The following PLCB4 variants were observed in gnomAD, a reference collection of about 807,000 sequenced individuals.
PLCB4 encodes the protein 1-phosphatidylinositol 4,5-bisphosphate phosphodiesterase beta-4.
PLCB4 carries 77 observed loss-of-function variants against 178.8 expected under a neutral mutation model. The ratio of observed to expected loss-of-function variants is 0.43; its 90% confidence interval spans 0.36 to 0.52. The LOEUF (loss-of-function observed/expected upper bound fraction) is 0.52. Ranked by LOEUF, PLCB4 falls within the 20% of genes least tolerant of loss-of-function variation. PLCB4 has a pLI of 0.00. For missense variants in PLCB4, 1,024 were observed against 1,453.4 expected (o/e 0.70, Z 4.80); for synonymous variants, 496 against 490.8 (o/e 1.01, Z -0.14).
At chr20:9,246,055 A>G (rs1029809444) in intron 3 of PLCB4, among the ~76,000 whole-genome samples, 9 of 152,238 alleles carry the variant, frequency 5.9e-5, no homozygotes, top group Admixed American at 4.6e-4. Context: ...CAATCTACAT[A>G]TACCATAAAC....
chr20:9,174,411 C>T (rs938671645), intron 2 of PLCB4, among the ~76,000 whole-genome samples: 2 of 151,222 alleles, frequency 1.3e-5, no homozygotes, highest in African/African-American at 4.9e-5. Flanking sequence ...TCCCAAAGTG[C>T]TGGGATTACA....
intron 4 of PLCB4, among the ~76,000 whole-genome samples, chr20:9,334,840 A>C (rs2032219416): frequency 6.6e-6 from 1 of 152,150 alleles, no homozygotes; most frequent in Non-Finnish European, 1.5e-5. Context: ...TGGAATTCCA[A>C]GAGTGAGATA....
chr20:9,320,700 G>A (rs997908089), intron 4 of PLCB4, among the ~76,000 whole-genome samples: 2 of 152,310 alleles, frequency 1.3e-5, no homozygotes, highest in Admixed American at 1.3e-4. Context: ...GATTAAAATG[G>A]TTAAGCATGT....
chr20:9,376,654 T>C (rs753547768), intron 12 of PLCB4, among the ~76,000 whole-genome samples: 8 of 152,160 alleles, frequency 5.3e-5, no homozygotes, highest in Admixed American at 1.3e-4. Context: ...CTTTGGTTAG[T>C]TTTACCTCCC....
chr20:9,233,703 GA>G (rs1180929957), intron 3 of PLCB4, among the ~76,000 whole-genome samples: 1 of 152,148 alleles, frequency 6.6e-6, no homozygotes, highest in Non-Finnish European at 1.5e-5. Context: ...GTAAGTTTGA[GA>G]AGAACTTATG....
chr20:9,416,418 G>A (rs922099333), intron 25 of PLCB4, among the ~76,000 whole-genome samples: 11 of 152,116 alleles, frequency 7.2e-5, no homozygotes, highest in Non-Finnish European at 8.8e-5. Flanking sequence ...GACCTTCCTC[G>A]GGAGGCAGAA....
intron 34 of PLCB4, among the ~76,000 whole-genome samples, chr20:9,458,759 T>C (rs2043210872): frequency 6.6e-6 from 1 of 152,134 alleles, no homozygotes; most frequent in Non-Finnish European, 1.5e-5. Context: ...TGCTACTATC[T>C]CATTGGCTAA....
chr20:9,127,077 G>T (rs759150374), intron 2 of PLCB4, among the ~76,000 whole-genome samples: 5 of 152,156 alleles, frequency 3.3e-5, no homozygotes, highest in Middle Eastern at 3.4e-3. Context: ...GAGAGTGGAC[G>T]TTTTACCACC....
chr20:9,339,898 C>T (rs1023271568), intron 7 of PLCB4, among the ~76,000 whole-genome samples: 1 of 152,130 alleles, frequency 6.6e-6, no homozygotes, highest in Admixed American at 6.6e-5. Flanking sequence ...TAGAAAGCCT[C>T]GTAAATATTT....
At chr20:9,155,177 C>T (rs926990570) in intron 2 of PLCB4, among the ~76,000 whole-genome samples, 2 of 151,566 alleles carry the variant, frequency 1.3e-5, no homozygotes, top group African/African-American at 4.8e-5. Context: ...GCTTAGCTCC[C>T]TCTTATAAGT....
rs369654367 is a variant in PLCB4, at chr20:9,145,901, C to G, written c.-79+49559C>G. On this transcript the variant is annotated intron_variant, in intron 2 of 39. Coordinates refer to ENST00000378473, the MANE Select transcript of PLCB4 (RefSeq NM_001377142.1). ...GGAAGCAGTACTGTCTCAACTGATACATAAAGGGCAAATTGAAGTTAGCTG... is the reference window on the plus strand; with the variant it reads ...GGAAGCAGTACTGTCTCAACTGATAGATAAAGGGCAAATTGAAGTTAGCTG... Among the ~76,000 whole-genome samples the G allele has an allele frequency of 4.6e-5, 7 of 152,082 alleles. No homozygotes were observed. The South Asian group carries it at 1.0e-3, about 23-fold the overall frequency.
At chr20:9,408,746 GGT>G (rs753851005) in intron 23 of PLCB4, 29 bp downstream of exon 23, 5 of 1,203,788 alleles carry the variant, frequency 4.2e-6, no homozygotes, top group Non-Finnish European at 6.2e-6. Flanking sequence ...TGGAATGAGT[GGT>G]TGACTCACGT....
At chr20:9,475,748 C>T (rs1251588194) in intron 38 of PLCB4, among the ~76,000 whole-genome samples, 1 of 152,188 alleles carries the variant, frequency 6.6e-6, no homozygotes, top group East Asian at 1.9e-4. Flanking sequence ...TGAGAAAGCT[C>T]TCAATTCACA....
At chr20:9,156,093 TG>T (rs1182023929) in intron 2 of PLCB4, among the ~76,000 whole-genome samples, 1 of 152,162 alleles carries the variant, frequency 6.6e-6, no homozygotes, top group Non-Finnish European at 1.5e-5. Flanking sequence ...AAAATTATGA[TG>T]GTCACTAAGA....
intron 2 of PLCB4, among the ~76,000 whole-genome samples, chr20:9,178,589 T>A (rs1012402232): frequency 1.3e-5 from 2 of 151,472 alleles, no homozygotes; most frequent in Non-Finnish European, 2.9e-5. Flanking sequence ...AGTAAAGTTT[T>A]ATATTTAATA....
At chr20:9,277,044 AG>A (rs1432312085) in intron 3 of PLCB4, among the ~76,000 whole-genome samples, 1 of 152,118 alleles carries the variant, frequency 6.6e-6, no homozygotes, top group Non-Finnish European at 1.5e-5. Context: ...CTGGATGCAC[AG>A]TAAAGTCTGG....
At chr20:9,327,559 G>A (rs535862074) in intron 4 of PLCB4, among the ~76,000 whole-genome samples, 8 of 151,932 alleles carry the variant, frequency 5.3e-5, no homozygotes, top group East Asian at 1.9e-4. Context: ...GGTGGATCAC[G>A]AGGTCAGGAG....
intron 3 of PLCB4, among the ~76,000 whole-genome samples, chr20:9,262,143 G>A (rs1057171345): frequency 2.6e-5 from 4 of 152,152 alleles, no homozygotes; most frequent in African/African-American, 9.7e-5. Context: ...CTGAGCTGGA[G>A]GAGGAATGAT....
At chr20:9,446,719 A>T (rs185733067) in intron 32 of PLCB4, among the ~76,000 whole-genome samples, 1 of 152,298 alleles carries the variant, frequency 6.6e-6, no homozygotes, top group East Asian at 1.9e-4. Flanking sequence ...TGTCTCTAGT[A>T]AAAATACAAA....
Sources: allele counts gnomAD v4.1 joint callset (sites outside exome capture counted in the v4.1 genomes callset), GRCh38; gene constraint gnomAD v4.1.1; transcripts MANE v1.5; gene names NCBI Gene and HGNC (gene_info 2026-07-23, HGNC 2026-07-21).